Variants in ZBBX observed in about 807,000 individuals in gnomAD.
ZBBX encodes zinc finger B-box domain containing.
A neutral mutation model predicts 108.5 loss-of-function variants in ZBBX; 101 were observed. The observed-to-expected ratio is 0.93, with a 90% confidence interval of 0.79 to 1.10. ZBBX has a LOEUF of 1.10. ZBBX is among the 50% of genes least tolerant of loss of function. The pLI, the probability that ZBBX is intolerant of heterozygous loss-of-function variation, is 0.00. For missense variants in ZBBX, 1,009 were observed against 941.4 expected, an observed-to-expected ratio of 1.07 and a Z score of -0.94; for synonymous variants, 356 against 323.4, an observed-to-expected ratio of 1.10 and a Z score of -1.08.
At chr3:167,248,097 T>C (rs1721905974) in intron 20 of ZBBX, among the ~76,000 whole-genome samples, 1 of 152,206 alleles carries the variant, frequency 6.6e-6, no homozygotes, top group Non-Finnish European at 1.5e-5. Context: ...AGAGGTGCCA[T>C]GTATGCCTCC....
chr3:167,332,189 C>T (rs1018271828), intron 10 of ZBBX, among the ~76,000 whole-genome samples: 1 of 151,976 alleles, frequency 6.6e-6, no homozygotes, highest in Non-Finnish European at 1.5e-5. Context: ...GCCTATGAAG[C>T]GGTTATCTCT....
upstream of ZBBX, among the ~76,000 whole-genome samples, chr3:167,384,821 C>A (rs1747857774): frequency 6.6e-6 from 1 of 152,014 alleles, no homozygotes; most frequent in Non-Finnish European, 1.5e-5. Context: ...CTATTCTTCT[C>A]AGTGTTCTCA....
chr3:167,356,549 T>G (rs902693978), intron 8 of ZBBX, among the ~76,000 whole-genome samples: 1 of 152,268 alleles, frequency 6.6e-6, no homozygotes, highest in Admixed American at 6.5e-5. Flanking sequence ...AACTGCTTTT[T>G]ACCTATGTGT....
rs74660378 is a variant in ZBBX, at chr3:167,367,021, C to G, written c.183-1045G>C. ...TGCATATTTTTCAAAGAAATGGACT[C>G]TAAAGATAAATACTACTGAAAGTAT... is the stretch of plus-strand genomic sequence containing the variant. On this transcript the variant is annotated intron_variant, in intron 5 of 21. Transcript: ENST00000675490. 9.6e-3 allele frequency: 3,797 copies of G among 394,324 alleles called. 137 individuals are homozygous for G. Among genetic ancestry groups the G allele is most frequent in the African/African-American group, 0.073 (3,509 of 48,360 alleles). The allele number at this position is 394,324 out of a possible 1,614,324, so 24.4% of individuals were successfully genotyped here. A position where few individuals can be genotyped will look rare whatever the true frequency, so the allele number is the denominator to read the frequency against.
chr3:167,205,981 G>C, the ZBBX span, among the ~76,000 whole-genome samples: 1 of 151,942 alleles, frequency 6.6e-6, no homozygotes, highest in Non-Finnish European at 1.5e-5. Flanking sequence ...CTATATCTTT[G>C]TGTGCATGTG....
chr3:167,351,704 G>T (rs1027046890), intron 8 of ZBBX, among the ~76,000 whole-genome samples: 2 of 152,140 alleles, frequency 1.3e-5, no homozygotes, highest in East Asian at 1.9e-4. Context: ...CTGAGCAGCT[G>T]CACTAAGGTG....
intron 1 of ZBBX, among the ~76,000 whole-genome samples, chr3:167,398,073 A>G (rs1748307019): frequency 6.6e-6 from 1 of 151,926 alleles, no homozygotes; most frequent in Non-Finnish European, 1.5e-5. Flanking sequence ...GTGCTACAAG[A>G]TGAGAAAAAA....
At chr3:167,253,913 G>A (rs886885897) in intron 20 of ZBBX, among the ~76,000 whole-genome samples, 3 of 152,090 alleles carry the variant, frequency 2.0e-5, no homozygotes, top group African/African-American at 7.2e-5. Context: ...AGTAATGAAA[G>A]CAAACTTTTT....
chr3:167,359,447 G>A (rs1744151637), intron 8 of ZBBX, among the ~76,000 whole-genome samples: 1 of 152,048 alleles, frequency 6.6e-6, no homozygotes, highest in Non-Finnish European at 1.5e-5. Context: ...AATAGACAAT[G>A]GGAGGATAGA....
the ZBBX span, among the ~76,000 whole-genome samples, chr3:167,195,458 T>C: frequency 6.6e-6 from 1 of 152,164 alleles, no homozygotes; most frequent in African/African-American, 2.4e-5. Flanking sequence ...ACAAAACATA[T>C]GCCAAACTAA....
intron 17 of ZBBX, among the ~76,000 whole-genome samples, chr3:167,300,365 A>C (rs1732427178): frequency 6.6e-6 from 1 of 152,050 alleles, no homozygotes; most frequent in Non-Finnish European, 1.5e-5. Flanking sequence ...TTGAAAAAAA[A>C]CAATAACCAT....
At chr3:167,222,308 A>C in the ZBBX span, among the ~76,000 whole-genome samples, 1 of 152,048 alleles carries the variant, frequency 6.6e-6, no homozygotes, top group Non-Finnish European at 1.5e-5. Context: ...AGCCAGGCAC[A>C]GAAAGGCAAA....
intron 16 of ZBBX, among the ~76,000 whole-genome samples, chr3:167,307,948 CA>C (rs1169853875): frequency 6.6e-6 from 1 of 151,976 alleles, no homozygotes; most frequent in Non-Finnish European, 1.5e-5. Context: ...AGCAGCAAAG[CA>C]AAAATTGACA....
chr3:167,216,467 T>C, the ZBBX span, among the ~76,000 whole-genome samples: 1 of 151,662 alleles, frequency 6.6e-6, no homozygotes, highest in Non-Finnish European at 1.5e-5. Context: ...CTCAAAGAAA[T>C]CAAAGAAGAC....
rs1204337968 is a variant in ZBBX at position 167,256,931 on chromosome 3, C to T, written c.2255-14288G>A. ...CTATTGTAAACAGTACTGCAACAAA[C>T]ATAAGAATGCAGATATCTCTTCAAT... On this transcript the variant is annotated intron_variant, in intron 20 of 21. Coordinates refer to ENST00000675490, the MANE Select transcript of ZBBX (RefSeq NM_001199201.2). Among the ~76,000 whole-genome samples, 3 of 152,220 alleles carry T rather than the reference C, an allele frequency of 2.0e-5. No homozygotes were observed. The East Asian group carries it at 5.8e-4, about 29-fold the overall frequency.
At chr3:167,226,863 A>C in the ZBBX span, among the ~76,000 whole-genome samples, 19 of 151,444 alleles carry the variant, frequency 1.3e-4, no homozygotes, top group Non-Finnish European at 2.1e-4. Context: ...GAGAGTATGT[A>C]CTTGCCTTAT....
Position 167,367,604 on chromosome 3 carries a change from A to G in ZBBX, c.182+857T>C, listed in dbSNP as rs149998535. On this transcript the variant is annotated intron_variant, in intron 5 of 21. Transcript: ENST00000675490. ...CTCATTTGTAAAAAAAAAAAAGTAA[A>G]CGATACAATATATGCAACAGATATA... 1.4e-3 allele frequency among the ~76,000 whole-genome samples: 209 copies of G among 151,556 alleles called. 6 individuals are homozygous for G. The East Asian group carries it at 0.036, about 26-fold the overall frequency.
chr3:167,253,130 T>G (rs1391768974), intron 20 of ZBBX, among the ~76,000 whole-genome samples: 1 of 152,076 alleles, frequency 6.6e-6, no homozygotes, highest in African/African-American at 2.4e-5. Flanking sequence ...ATAATAAAAA[T>G]AAAATCATAA....
chr3:167,380,880 A>T (rs397781447), upstream of ZBBX, among the ~76,000 whole-genome samples: 9,183 of 151,490 alleles, frequency 0.061, 324 homozygotes, highest in Non-Finnish European at 0.089. Context: ...ACACACACAC[A>T]CACACACACA....
Sources: gnomAD v4.1 joint callset for allele counts (sites outside exome capture counted in the v4.1 genomes callset) on GRCh38, gnomAD v4.1.1 for gene constraint, MANE v1.5 for transcripts, NCBI Gene and HGNC (gene_info 2026-07-23, HGNC 2026-07-21) for gene names.